ACAN: variants seen among roughly 807,000 people sequenced by gnomAD.
ACAN encodes the protein aggrecan, also known as aggrecan core protein.
ACAN carries 47 observed loss-of-function variants against 169.1 expected under a neutral mutation model. The observed-to-expected ratio is 0.28, with a 90% confidence interval of 0.22 to 0.35. The LOEUF (loss-of-function observed/expected upper bound fraction) is 0.35, where lower values mean the gene tolerates loss of function less well. Among genes scored for constraint, ACAN ranks in the 10% least tolerant of loss-of-function variants. The pLI is 1.00. For missense variants in ACAN, 2,716 were observed against 2,759.9 expected (o/e 0.98, Z 0.36); for synonymous variants, 1,115 against 1,112.2 (o/e 1.00, Z -0.05).
rs1255852887 is a variant in ACAN at position 88,840,321 on chromosome 15, G to A, written c.629+135G>A. 20 of 1,132,454 alleles carry A rather than the reference G, an allele frequency of 1.8e-5. 1 individual carries two copies. Among genetic ancestry groups the A allele is most frequent in the Middle Eastern group, 3.0e-4 (1 of 3,350 alleles). The allele number at this position is 1,132,454 out of a possible 1,614,324, so 70.2% of individuals were successfully genotyped here. A position where few individuals can be genotyped will look rare whatever the true frequency, so the allele number is the denominator to read the frequency against. On this transcript the variant is annotated intron_variant, in intron 4 of 18. Coordinates refer to ENST00000560601, the MANE Select transcript of ACAN (RefSeq NM_001369268.1). Reference sequence around the variant, plus strand: ...CTGTGGCCAGCCTAGGTTAGAGGCCGTGGTCACACCTTGGCCAAACAGCAG... The same window carrying A: ...CTGTGGCCAGCCTAGGTTAGAGGCCATGGTCACACCTTGGCCAAACAGCAG...
rs1269364565 is a variant in ACAN, at chr15:88,873,385, A to T, written c.7447+360A>T. On this transcript the variant is annotated intron_variant, in intron 17 of 18. Coordinates refer to ENST00000560601, the MANE Select transcript of ACAN (RefSeq NM_001369268.1). The surrounding 1 kb of genome is among the most constrained non-coding windows in gnomAD (Gnocchi z 7.5). ...AGCCTCCCTGTCTTTGGGATTCCCA[A>T]GGCCATCAATCACAGAGTCATAGTT... Among the ~76,000 whole-genome samples, 1 of 152,196 alleles carries T rather than the reference A, an allele frequency of 6.6e-6. No homozygotes were observed. Among genetic ancestry groups the T allele is most frequent in the Non-Finnish European group, 1.5e-5 (1 of 68,028 alleles).
rs373731937 is a variant in ACAN, at chr15:88,829,610, GT to G, written c.-7-6589del. Among the ~76,000 whole-genome samples, 14 of 152,308 alleles carry G rather than the reference GT, an allele frequency of 9.2e-5. No homozygotes were observed. In the East Asian group the frequency reaches 2.1e-3, roughly 23 times the overall value. ...TCATGAGCGAGTGACAAGAGAAAAG[GT>G]GCTATTGGGAGATTAGGCTGCAAAT... On this transcript the variant is annotated intron_variant, in intron 1 of 18. Transcript: ENST00000560601.
chr15:88,871,906 CT>C lies in ACAN; in HGVS notation c.7220-94del. 8.7e-7 allele frequency: 1 copy of C among 1,143,572 alleles called. No homozygotes were observed. Among genetic ancestry groups the C allele is most frequent in the Non-Finnish European group, 1.3e-6 (1 of 754,848 alleles). The allele number at this position is 1,143,572 out of a possible 1,614,324, so 70.8% of individuals were successfully genotyped here. ...TTGCTCCTAGGAGCCCACCCACCTC[CT>C]TTCCTCCTCCATCCCCTCTGCCTCC... On this transcript the variant is annotated intron_variant, in intron 15 of 18. Transcript: ENST00000560601. This position sits in a 1 kb window ranked among gnomAD's most constrained non-coding sequence, Gnocchi z 7.8.
intron 1 of ACAN, among the ~76,000 whole-genome samples, chr15:88,808,894 AG>A (rs58967414): frequency 0.33 from 49,435 of 152,014 alleles, 8,898 homozygotes; most frequent in East Asian, 0.58. Context: ...ATAAATGAAA[AG>A]GAAAAGAAAA....
At chr15:88,823,039 C>G (rs1896118809) in intron 1 of ACAN, among the ~76,000 whole-genome samples, 1 of 152,186 alleles carries the variant, frequency 6.6e-6, no homozygotes, top group African/African-American at 2.4e-5. Flanking sequence ...CCATCAGGAC[C>G]CTCAGCTGCC....
intron 9 of ACAN, 109 bp downstream of exon 9, chr15:88,848,147 T>G (rs75871541): frequency 6.8e-7 from 1 of 1,460,224 alleles, no homozygotes. Flanking sequence ...CACCCCTGAT[T>G]CCACCCAGCT....
At chr15:88,865,654 T>C (rs1016223492) in intron 13 of ACAN, among the ~76,000 whole-genome samples, 2 of 151,968 alleles carry the variant, frequency 1.3e-5, no homozygotes, top group African/African-American at 2.4e-5. Flanking sequence ...CCCAAAGCCC[T>C]TCCCTCCCTC....
Position 88,807,284 on chromosome 15 carries a change from G to C in ACAN, c.-8+3475G>C, listed in dbSNP as rs1159454819. Among the ~76,000 whole-genome samples the C allele has an allele frequency of 6.6e-6, 1 of 152,244 alleles. No individual in the cohort carries two copies. Among genetic ancestry groups the C allele is most frequent in the Non-Finnish European group, 1.5e-5 (1 of 68,042 alleles). On this transcript the variant is annotated intron_variant, in intron 1 of 18. Transcript: ENST00000560601. This position sits in a 1 kb window ranked among gnomAD's most constrained non-coding sequence, Gnocchi z 4.0. ...GTAGAGCAGGGGAGGGGACAGGCCAGCAGCTGCCCTGGGAAAGGGGATCAG... is the reference window on the plus strand; with the variant it reads ...GTAGAGCAGGGGAGGGGACAGGCCACCAGCTGCCCTGGGAAAGGGGATCAG...
chr15:88,845,733 C>T lies in ACAN; in HGVS notation c.1280C>T (p.Thr427Ile), dbSNP rs1046914898. Residue 427 changes from threonine (T) to isoleucine (I), a missense_variant, in exon 7 of 19, where the codon ACT becomes ATT. Coordinates refer to ENST00000560601, the MANE Select transcript of ACAN (RefSeq NM_001369268.1). ...PFTFAPEIGATAFAEVENETG... is the reference protein window; with the variant it reads ...PFTFAPEIGAIAFAEVENETG... ...ACGTTTGCCCCTGAAATAGGGGCCACTGCCTTCGCTGAGGTTGAGAATGAG... is the reference window on the plus strand; with the variant it reads ...ACGTTTGCCCCTGAAATAGGGGCCATTGCCTTCGCTGAGGTTGAGAATGAG... 1.2e-6 allele frequency: 2 copies of T among 1,613,638 alleles called. No homozygotes were observed. The highest frequency in any genetic ancestry group is 2.7e-5 in the African/African-American group (2 of 74,950).
rs370865297 is a variant in ACAN at position 88,843,601 on chromosome 15, C to T, written c.1004C>T (p.Thr335Met). The T allele has an allele frequency of 4.8e-5, 76 of 1,598,536 alleles. No individual in the cohort carries two copies. Among genetic ancestry groups the T allele is most frequent in the Middle Eastern group, 3.3e-4 (2 of 6,032 alleles). The change falls in exon 6 of 19, where the codon ACG becomes ATG. Residue 335 changes from threonine (T) to methionine (M), a missense_variant. Physicochemically the swap from Thr to Met is moderately conservative, Grantham distance 81. Transcript: ENST00000560601. The surrounding 1 kb of genome is among the most constrained non-coding windows in gnomAD (Gnocchi z 4.0). ...VRTVYVHANQTGYPDPSSRYD... is the reference protein window; with the variant it reads ...VRTVYVHANQMGYPDPSSRYD... ...ACCGTCTACGTGCATGCCAACCAGACGGGCTACCCCGACCCCTCATCCCGC... is the reference window on the plus strand; with the variant it reads ...ACCGTCTACGTGCATGCCAACCAGATGGGCTACCCCGACCCCTCATCCCGC...
At position 88,849,634 on chromosome 15, in the gene ACAN, C is replaced by T. The variant is rs551265948; in HGVS notation, c.1929C>T (p.Cys643=). The part of the protein sequence containing the change: ...RYPIVTPRPA[C]GGDKPGVRTV... The stretch of plus-strand genomic sequence containing the variant: ...CCATCGTCACCCCAAGGCCTGCCTG[C>T]GGTGGGGACAAGCCAGGCGTGAGAA... Residue 643 remains cysteine (C), a synonymous_variant, in exon 10 of 19, where the codon TGC becomes TGT. Coordinates refer to ENST00000560601, the MANE Select transcript of ACAN (RefSeq NM_001369268.1). This position sits in a 1 kb window ranked among gnomAD's most constrained non-coding sequence, Gnocchi z 5.1. 624 of 1,612,708 alleles carry T rather than the reference C, an allele frequency of 3.9e-4. 8 individuals are homozygous for T. The South Asian group carries it at 6.5e-3, about 17-fold the overall frequency.
intron 1 of ACAN, among the ~76,000 whole-genome samples, chr15:88,816,261 T>C (rs1378648288): frequency 1.1e-4 from 16 of 152,214 alleles, no homozygotes; most frequent in Admixed American, 1.0e-3. Flanking sequence ...AAGGTATCTT[T>C]TTTTGGTGGG....
rs113920933 is a variant in ACAN at position 88,843,904 on chromosome 15, G to C, written c.1051+256G>C. Among the ~76,000 whole-genome samples the C allele has an allele frequency of 5.9e-3, 904 of 152,212 alleles. 10 individuals are homozygous for C. Among genetic ancestry groups the C allele is most frequent in the African/African-American group, 0.019 (775 of 41,538 alleles). On this transcript the variant is annotated intron_variant, in intron 6 of 18. Coordinates refer to ENST00000560601, the MANE Select transcript of ACAN (RefSeq NM_001369268.1). This position sits in a 1 kb window ranked among gnomAD's most constrained non-coding sequence, Gnocchi z 4.0. ...GACGAGGCTTAAAAACCTCCAAACT[G>C]TTTTCTCCAGTTTGAATCAAAGCTC...
In ACAN at chr15:88,874,355, C is replaced by A; in HGVS notation, c.7631-50C>A. 6.6e-7 allele frequency: 1 copy of A among 1,519,070 alleles called. No individual in the cohort carries two copies. Among genetic ancestry groups the A allele is most frequent in the Non-Finnish European group, 9.0e-7 (1 of 1,114,854 alleles). 94.1% of individuals were successfully genotyped at this position (1,519,070 alleles called of 1,614,324 possible). On this transcript the variant is annotated intron_variant, in intron 18 of 18. Coordinates refer to ENST00000560601, the MANE Select transcript of ACAN (RefSeq NM_001369268.1). This position sits in a 1 kb window ranked among gnomAD's most constrained non-coding sequence, Gnocchi z 7.3. ...GTCTGGGGAGAGCCTGGGCTCGCCC[C>A]ACTTTCTTTCCAGGTCCACTGATAT...
chr15:88,821,805 C>G (rs1016985882), intron 1 of ACAN, among the ~76,000 whole-genome samples: 3 of 152,142 alleles, frequency 2.0e-5, no homozygotes, highest in African/African-American at 7.2e-5. Flanking sequence ...GTGTCCAAGT[C>G]CACCCTCTGG....
chr15:88,824,128 T>C (rs1400225272), intron 1 of ACAN, among the ~76,000 whole-genome samples: 1 of 151,956 alleles, frequency 6.6e-6, no homozygotes, highest in Non-Finnish European at 1.5e-5. Context: ...ATCAAGACCA[T>C]CCTGGCTAAC....
In ACAN at chr15:88,866,488, C is replaced by G. The variant is rs1052252090; in HGVS notation, c.6947-1728C>G. On this transcript the variant is annotated intron_variant, in intron 13 of 18. Coordinates refer to ENST00000560601, the MANE Select transcript of ACAN (RefSeq NM_001369268.1). The surrounding 1 kb of genome is among the most constrained non-coding windows in gnomAD (Gnocchi z 5.6). ...GGCATGCTGGGAATCCAAGTGCATG[C>G]TGGGATTTCAGTCTGTTCCTCCATG... Among the ~76,000 whole-genome samples the G allele has an allele frequency of 2.0e-5, 3 of 152,116 alleles. No individual in the cohort carries two copies. The highest frequency in any genetic ancestry group is 7.2e-5 in the African/African-American group (3 of 41,434).
In ACAN at chr15:88,858,948, A is replaced by G; in HGVS notation, c.6363A>G (p.Arg2121=). ...CATCTGCCGCCCCTGAGGCCAGCAGAGAAGATTCTGGGTCCCCTGATCTGA... is the reference window on the plus strand; with the variant it reads ...CATCTGCCGCCCCTGAGGCCAGCAGGGAAGATTCTGGGTCCCCTGATCTGA... The part of the protein sequence containing the change: ...FGASAAPEAS[R]EDSGSPDLSE... The change falls in exon 12 of 19, where the codon AGA becomes AGG. Residue 2121 remains arginine (R), a synonymous_variant. Coordinates refer to ENST00000560601, the MANE Select transcript of ACAN (RefSeq NM_001369268.1). This position sits in a 1 kb window ranked among gnomAD's most constrained non-coding sequence, Gnocchi z 4.0. The G allele has an allele frequency of 6.2e-7, 1 of 1,611,858 alleles. No individual in the cohort carries two copies. The highest frequency in any genetic ancestry group is 8.5e-7 in the Non-Finnish European group (1 of 1,178,202).
At chr15:88,846,635 C>T (rs959189446) in intron 7 of ACAN, among the ~76,000 whole-genome samples, 3 of 152,162 alleles carry the variant, frequency 2.0e-5, no homozygotes, top group East Asian at 1.9e-4. Flanking sequence ...AACAATACAA[C>T]AATAAAAGTA....
Sources: allele counts gnomAD v4.1 joint callset (sites outside exome capture counted in the v4.1 genomes callset), GRCh38; gene constraint gnomAD v4.1.1; non-coding constraint Gnocchi (gnomAD v3.1); transcripts MANE v1.5; gene names NCBI Gene and HGNC (gene_info 2026-07-23, HGNC 2026-07-21).